PKHD1: variants seen among roughly 807,000 people sequenced by gnomAD.
The protein encoded by PKHD1 is PKHD1 ciliary IPT domain containing fibrocystin/polyductin.
Under a neutral mutation model 412.0 loss-of-function variants are expected in PKHD1, and 291 were observed. The ratio of observed to expected loss-of-function variants is 0.71; its 90% CI spans 0.64 to 0.78. The LOEUF (loss-of-function observed/expected upper bound fraction) is 0.78, where lower values mean the gene tolerates loss of function less well. Among genes scored for constraint, PKHD1 ranks in the 30% least tolerant of loss-of-function variants. PKHD1 has a pLI of 0.00. For missense variants in PKHD1, 4,825 were observed against 4,950.7 expected (o/e 0.97, Z 0.76); for synonymous variants, 1,777 against 1,821.5 (o/e 0.98, Z 0.62).
At chr6:51,977,388 T>G (rs1562035249) in intron 35 of PKHD1, among the ~76,000 whole-genome samples, 2 of 152,252 alleles carry the variant, frequency 1.3e-5, no homozygotes, top group Admixed American at 6.5e-5. Flanking sequence ...AGTCTTCAGA[T>G]ACACTCTGCT....
Position 52,085,029 on chromosome 6 carries a change from CAAA to C in PKHD1, c.-84-15_-84-13del. The C allele has an allele frequency of 3.7e-6, 3 of 815,696 alleles. No individual in the cohort carries two copies. Among genetic ancestry groups the C allele is most frequent in the Non-Finnish European group, 6.4e-6 (3 of 467,994 alleles). The allele number at this position is 815,696 out of a possible 1,614,324, so 50.5% of individuals were successfully genotyped here. A position where few individuals can be genotyped will look rare whatever the true frequency, so the allele number is the denominator to read the frequency against. The stretch of plus-strand genomic sequence containing the variant: ...GCATAGCTTTTGTGCTTTATAAAAA[CAAA>C]AAAAGCAAAAAAAAATTATCATTTT... On this transcript the variant is annotated splice_polypyrimidine_tract_variant and intron_variant, in intron 1 of 66. Coordinates refer to ENST00000371117, the MANE Select transcript of PKHD1 (RefSeq NM_138694.4).
At chr6:51,894,892 T>G (rs1022145917) in intron 43 of PKHD1, among the ~76,000 whole-genome samples, 6 of 152,338 alleles carry the variant, frequency 3.9e-5, no homozygotes, top group South Asian at 2.1e-4. Context: ...ACATAGGAAT[T>G]CTCTTATTTA....
rs564028247 is a variant in PKHD1, at chr6:51,884,031, T to C, written c.7216-804A>G. On this transcript the variant is annotated intron_variant, in intron 45 of 66. Coordinates refer to ENST00000371117, the MANE Select transcript of PKHD1 (RefSeq NM_138694.4). ...TGAGCTAATAAATTTCTGTTTATTATAATTTTCCCAAATTTTATTATTCTG... is the reference window on the plus strand; with the variant it reads ...TGAGCTAATAAATTTCTGTTTATTACAATTTTCCCAAATTTTATTATTCTG... Among the ~76,000 whole-genome samples, 5 of 152,342 alleles carry C rather than the reference T, an allele frequency of 3.3e-5. No individual in the cohort carries two copies. In the South Asian group the frequency reaches 8.3e-4, roughly 25 times the overall value.
At chr6:51,808,944 CACTGGAGACA>C (rs1764257453) in intron 52 of PKHD1, among the ~76,000 whole-genome samples, 1 of 152,062 alleles carries the variant, frequency 6.6e-6, no homozygotes, top group South Asian at 2.1e-4. Context: ...GGTCCATAAT[CACTGGAGACA>C]ACTTCCTGAA....
intron 36 of PKHD1, among the ~76,000 whole-genome samples, chr6:51,944,482 A>G: frequency 6.6e-6 from 1 of 152,102 alleles, no homozygotes; most frequent in East Asian, 1.9e-4. Context: ...ATTTCTGACC[A>G]CCAGCTGACT....
At chr6:51,682,103 G>C in intron 60 of PKHD1, 1 of 394,912 alleles carries the variant, frequency 2.5e-6, no homozygotes, top group Non-Finnish European at 5.1e-6. Context: ...GGGTAGACTA[G>C]GTTAGGATGT....
At chr6:51,994,900 C>A (rs1384255852) in intron 35 of PKHD1, among the ~76,000 whole-genome samples, 3 of 152,060 alleles carry the variant, frequency 2.0e-5, no homozygotes, top group Non-Finnish European at 4.4e-5. Flanking sequence ...TTTCCCCAGA[C>A]GTGCCTCCAA....
intron 1 of PKHD1, among the ~76,000 whole-genome samples, chr6:52,085,381 G>C (rs1000446399): frequency 1.3e-5 from 2 of 152,082 alleles, no homozygotes; most frequent in Non-Finnish European, 2.9e-5. Flanking sequence ...GCTTTCCCTC[G>C]TGCTGCTCTC....
rs368974211 is a variant in PKHD1 at position 52,025,705 on chromosome 6, G to A, written c.4105C>T (p.Arg1369Cys). ...LEAGIYPLQV[R>C]QKQMGFANMS... ...TTAGCAAATCCCATCTGCTTCTGAC[G>A]TACTTGGAGAGGATAGATGCCAGCC... Residue 1369 changes from arginine to cysteine, a missense_variant, in exon 32 of 67, where the codon CGT becomes TGT. By Grantham distance (180) the Arg-to-Cys change is radical (BLOSUM62 -3). Coordinates refer to ENST00000371117, the MANE Select transcript of PKHD1 (RefSeq NM_138694.4). 4.1e-5 allele frequency: 66 copies of A among 1,614,176 alleles called. No individual in the cohort carries two copies. The highest frequency in any genetic ancestry group is 3.3e-4 in the Middle Eastern group (2 of 6,062).
intron 43 of PKHD1, among the ~76,000 whole-genome samples, chr6:51,899,233 AT>A (rs1401651052): frequency 2.3e-5 from 3 of 131,588 alleles, no homozygotes; most frequent in African/African-American, 1.0e-4. Flanking sequence ...CTTTACACCA[AT>A]ATCCTTGATG....
chr6:51,846,712 AG>A (rs1771226739), intron 50 of PKHD1, among the ~76,000 whole-genome samples: 1 of 152,186 alleles, frequency 6.6e-6, no homozygotes. Flanking sequence ...CAGTCACAGT[AG>A]GGTTCCTGAT....
intron 43 of PKHD1, among the ~76,000 whole-genome samples, chr6:51,902,827 C>T (rs1163461554): frequency 6.6e-6 from 1 of 152,096 alleles, no homozygotes; most frequent in Non-Finnish European, 1.5e-5. Flanking sequence ...AGAAATGTGC[C>T]AAGGGAAACC....
chr6:51,748,429 T>TCTG lies in PKHD1; in HGVS notation c.9186_9187insCAG (p.Asn3062_Asn3063insGln). 6.2e-7 allele frequency: 1 copy of TCTG among 1,614,058 alleles called. No homozygotes were observed. Among genetic ancestry groups the TCTG allele is most frequent in the Non-Finnish European group, 8.5e-7 (1 of 1,179,970 alleles). ...GGCTGTGTCATCAGAACCACAAGGT[T>TCTG]ATTAGTGACAGTATAGGCCTGACCC... On this transcript the variant is annotated inframe_insertion, in exon 58 of 67. Coordinates refer to ENST00000371117, the MANE Select transcript of PKHD1 (RefSeq NM_138694.4).
intron 52 of PKHD1, among the ~76,000 whole-genome samples, chr6:51,801,309 T>C (rs1271270309): frequency 6.6e-6 from 1 of 152,168 alleles, no homozygotes; most frequent in Non-Finnish European, 1.5e-5. Context: ...GATTGAAAAT[T>C]AGTGTCAAGT....
chr6:52,068,693 T>C (rs1359147282), intron 11 of PKHD1, among the ~76,000 whole-genome samples: 1 of 152,226 alleles, frequency 6.6e-6, no homozygotes, highest in Non-Finnish European at 1.5e-5. Context: ...GCTATCGTTA[T>C]CACCATCACC....
intron 1 of PKHD1, 84 bp from the exon 2 acceptor site, chr6:52,085,101 A>C (rs1183958882): frequency 8.1e-6 from 5 of 619,706 alleles, no homozygotes; most frequent in African/African-American, 1.8e-5. Context: ...TGGGAAATTA[A>C]GGAGATGAGA....
At chr6:51,790,762 A>C (rs893532346) in intron 53 of PKHD1, among the ~76,000 whole-genome samples, 5 of 152,046 alleles carry the variant, frequency 3.3e-5, no homozygotes, top group Non-Finnish European at 7.4e-5. Flanking sequence ...CTTTGGGATT[A>C]TTTGTCCCAG....
At chr6:51,709,805 C>T (rs1008801865) in intron 60 of PKHD1, among the ~76,000 whole-genome samples, 2 of 150,792 alleles carry the variant, frequency 1.3e-5, no homozygotes, top group African/African-American at 4.9e-5. Context: ...TGAATAAATA[C>T]ACAGTAAGTT....
chr6:51,686,526 T>C (rs1467832782), intron 60 of PKHD1, among the ~76,000 whole-genome samples: 2 of 152,212 alleles, frequency 1.3e-5, no homozygotes, highest in South Asian at 2.1e-4. Flanking sequence ...GGTCAGCCTA[T>C]GTACAAGCAT....
Sources: gnomAD v4.1 joint callset for allele counts (sites outside exome capture counted in the v4.1 genomes callset) on GRCh38, gnomAD v4.1.1 for gene constraint, MANE v1.5 for transcripts, NCBI Gene and HGNC (gene_info 2026-07-23, HGNC 2026-07-21) for gene names.